Variants in AGBL4 observed in about 807,000 individuals in gnomAD.
The protein encoded by AGBL4 is cytosolic carboxypeptidase 6.
In AGBL4, 58 loss-of-function variants were observed where a neutral mutation model predicts 66.4. That is an observed-to-expected ratio of 0.87 (90% CI 0.71 to 1.09). The LOEUF is 1.09. AGBL4 is among the 50% of genes least tolerant of loss of function. AGBL4 has a pLI of 0.00. For missense variants in AGBL4, 579 were observed against 631.0 expected (o/e 0.92, Z 0.88); for synonymous variants, 234 against 222.9 (o/e 1.05, Z -0.44).
intron 4 of AGBL4, among the ~76,000 whole-genome samples, chr1:49,167,232 T>C (rs2148153530): frequency 6.6e-6 from 1 of 152,354 alleles, no homozygotes; most frequent in African/African-American, 2.4e-5. Context: ...TATCTGCCTC[T>C]AGTTTTCTAT....
At chr1:48,704,940 G>T (rs1222244597) in intron 6 of AGBL4, among the ~76,000 whole-genome samples, 1 of 152,042 alleles carries the variant, frequency 6.6e-6, no homozygotes. Flanking sequence ...TTATATGACC[G>T]GCAGCACAGT....
chr1:49,697,402 C>G lies in AGBL4; in HGVS notation c.193G>C (p.Glu65Gln), dbSNP rs1462739652. Residue 65 changes from glutamate (E) to glutamine (Q), a missense_variant, in exon 3 of 14, where the codon GAG becomes CAG. Transcript: ENST00000371839. ...TCCGGCCTAATGAACAGATCATACT[C>G]AAACTCAGAGACCTGGTCCACCCGG... ...LGRVDQVSEF[E>Q]YDLFIRPDTC... is the part of the protein sequence containing the mutation. 2.0e-6 allele frequency: 3 copies of G among 1,537,676 alleles called. No homozygotes were observed. The highest frequency in any genetic ancestry group is 4.9e-5 in the East Asian group (2 of 40,704).
chr1:49,743,836 T>C (rs986951100), intron 2 of AGBL4, among the ~76,000 whole-genome samples: 1 of 137,688 alleles, frequency 7.3e-6, no homozygotes, highest in Admixed American at 8.4e-5. Context: ...TTCTCACTCA[T>C]AGGTAGGAAC....
In AGBL4 at chr1:49,489,038, C is replaced by T. The variant is rs188960000; in HGVS notation, c.282+208275G>A. Among the ~76,000 whole-genome samples, 3 of 151,732 alleles carry T rather than the reference C, an allele frequency of 2.0e-5. No individual in the cohort carries two copies. The East Asian group carries it at 5.8e-4, about 29-fold the overall frequency. ...TTGATATACTGATTTCCTATCTTTT[C>T]GGTATATATCTAGTAGTGGAATTGC... is the stretch of plus-strand genomic sequence containing the variant. On this transcript the variant is annotated intron_variant, in intron 3 of 13. Coordinates refer to ENST00000371839, the MANE Select transcript of AGBL4 (RefSeq NM_032785.4).
At chr1:49,732,964 G>A (rs1332494814) in intron 2 of AGBL4, among the ~76,000 whole-genome samples, 1 of 152,022 alleles carries the variant, frequency 6.6e-6, no homozygotes, top group Admixed American at 6.6e-5. Context: ...GACACATCAT[G>A]AGCCCAACTG....
At chr1:48,625,388 T>G (rs1368829413) in intron 9 of AGBL4, among the ~76,000 whole-genome samples, 1 of 152,098 alleles carries the variant, frequency 6.6e-6, no homozygotes, top group Non-Finnish European at 1.5e-5. Flanking sequence ...ACACATTCAT[T>G]GAGGGCCTGT....
intron 1 of AGBL4, among the ~76,000 whole-genome samples, chr1:49,957,559 T>C (rs1320793787): frequency 6.6e-6 from 1 of 152,002 alleles, no homozygotes; most frequent in Non-Finnish European, 1.5e-5. Context: ...TGGGTGCATA[T>C]ATATTTAGGA....
chr1:49,954,783 T>C (rs1656455387), intron 1 of AGBL4, among the ~76,000 whole-genome samples: 1 of 152,024 alleles, frequency 6.6e-6, no homozygotes, highest in East Asian at 1.9e-4. Context: ...ACTATCCATC[T>C]CAAACTATGA....
chr1:48,674,376 G>T (rs77543859), intron 6 of AGBL4, among the ~76,000 whole-genome samples: 4,434 of 152,252 alleles, frequency 0.029, 247 homozygotes, highest in African/African-American at 0.1. Context: ...ATTGTCCAAG[G>T]TCATATAGCT....
intron 6 of AGBL4, among the ~76,000 whole-genome samples, chr1:48,691,382 G>T (rs924693103): frequency 1.3e-5 from 2 of 152,046 alleles, no homozygotes; most frequent in Admixed American, 1.3e-4. Context: ...ACGGCTAGTG[G>T]CTGTGTATTG....
intron 5 of AGBL4, among the ~76,000 whole-genome samples, chr1:48,883,487 TACA>T (rs2148845968): frequency 6.6e-6 from 1 of 152,368 alleles, no homozygotes; most frequent in East Asian, 1.9e-4. Flanking sequence ...TATCAGATGA[TACA>T]ACGTTACTTC....
intron 4 of AGBL4, among the ~76,000 whole-genome samples, chr1:49,137,208 G>T (rs764505025): frequency 1.1e-4 from 17 of 152,080 alleles, no homozygotes; most frequent in Non-Finnish European, 2.2e-4. Context: ...AGGTCACATA[G>T]CCAAGAAACA....
Position 49,003,578 on chromosome 1 carries a change from C to T in AGBL4, c.594+42006G>A, listed in dbSNP as rs116107059. On this transcript the variant is annotated intron_variant, in intron 5 of 13. Transcript: ENST00000371839. ...TTTGTCTGCAAACAACACTTTAGCT[C>T]AGGTAGGCGTGATCTCCCTCTCTGA... Among the ~76,000 whole-genome samples, 1,151 of 152,288 alleles carry T rather than the reference C, an allele frequency of 7.6e-3. 14 individuals are homozygous for T. The highest frequency in any genetic ancestry group is 8.9e-3 in the Non-Finnish European group (607 of 68,026).
intron 3 of AGBL4, among the ~76,000 whole-genome samples, chr1:49,255,464 G>C (rs1309643752): frequency 6.6e-6 from 1 of 152,086 alleles, no homozygotes; most frequent in Non-Finnish European, 1.5e-5. Flanking sequence ...ACCACAATGA[G>C]ACACCATCTC....
At chr1:49,869,214 T>C (rs1646778133) in intron 1 of AGBL4, among the ~76,000 whole-genome samples, 1 of 152,130 alleles carries the variant, frequency 6.6e-6, no homozygotes, top group Non-Finnish European at 1.5e-5. Context: ...GAACCAGAAA[T>C]ACCATTTGAT....
chr1:49,220,688 CTGCAG>C lies in AGBL4; in HGVS notation c.377+25077_377+25081del, dbSNP rs1649427901. Among the ~76,000 whole-genome samples, 3 of 152,172 alleles carry C rather than the reference CTGCAG, an allele frequency of 2.0e-5. No homozygotes were observed. In the South Asian group the frequency reaches 6.2e-4, roughly 32 times the overall value. On this transcript the variant is annotated intron_variant, in intron 4 of 13. Coordinates refer to ENST00000371839, the MANE Select transcript of AGBL4 (RefSeq NM_032785.4). The stretch of plus-strand genomic sequence containing the variant: ...TTAGGACCCAAAGAATCTCTTTACT[CTGCAG>C]TTCTCAGAGAGACCAGTTTTTGAAG...
At chr1:49,838,343 C>G (rs1292312965) in intron 2 of AGBL4, among the ~76,000 whole-genome samples, 1 of 152,216 alleles carries the variant, frequency 6.6e-6, no homozygotes, top group Non-Finnish European at 1.5e-5. Context: ...AATACCTAGG[C>G]TTCTTCCTTC....
intron 3 of AGBL4, among the ~76,000 whole-genome samples, chr1:49,598,200 C>A (rs1216972147): frequency 6.6e-6 from 1 of 152,084 alleles, no homozygotes; most frequent in Non-Finnish European, 1.5e-5. Context: ...CATCTGAAGC[C>A]TTCTTCTCTC....
At chr1:49,887,391 C>G (rs1350608719) in intron 1 of AGBL4, among the ~76,000 whole-genome samples, 1 of 151,228 alleles carries the variant, frequency 6.6e-6, no homozygotes, top group African/African-American at 2.4e-5. Flanking sequence ...CAGTAGCTAC[C>G]CACAAGACAG....
Sources: gnomAD v4.1 joint callset for allele counts (sites outside exome capture counted in the v4.1 genomes callset) on GRCh38, gnomAD v4.1.1 for gene constraint, MANE v1.5 for transcripts, NCBI Gene and HGNC (gene_info 2026-07-23, HGNC 2026-07-21) for gene names.